The following ACVR1C variants were observed in gnomAD, a reference collection of about 807,000 sequenced individuals.
ACVR1C encodes activin receptor type-1C.
Under a neutral mutation model 57.9 loss-of-function variants are expected in ACVR1C, and 23 were observed. That is an observed-to-expected ratio of 0.40 (90% CI 0.29 to 0.56). The LOEUF is 0.56. ACVR1C is among the 20% of genes least tolerant of loss of function. The probability of loss-of-function intolerance (pLI) is 0.50; values close to 1 mark genes in which losing one functional copy is unlikely to be tolerated. For synonymous variants in ACVR1C, 214 were observed against 215.3 expected (o/e 0.99, Z 0.05); for missense variants, 480 against 607.9 (o/e 0.79, Z 2.21).
intron 1 of ACVR1C, among the ~76,000 whole-genome samples, chr2:157,603,779 T>C (rs1421362661): frequency 1.3e-5 from 2 of 152,104 alleles, no homozygotes; most frequent in Non-Finnish European, 2.9e-5. Flanking sequence ...AGAATGAAGA[T>C]TACACAGACA....
chr2:157,604,147 G>C (rs925621990), intron 1 of ACVR1C, among the ~76,000 whole-genome samples: 1 of 152,010 alleles, frequency 6.6e-6, no homozygotes, highest in South Asian at 2.1e-4. Flanking sequence ...TTGGGGAGGA[G>C]AGCCAGGTTT....
At chr2:157,624,214 C>G (rs1198736326) in intron 1 of ACVR1C, among the ~76,000 whole-genome samples, 3 of 152,136 alleles carry the variant, frequency 2.0e-5, no homozygotes, top group Admixed American at 1.3e-4. Context: ...CAAGCCCCTT[C>G]CCCAAAATCT....
rs953958910 is a variant in ACVR1C at position 157,533,479 on chromosome 2, T to C, written c.*439A>G. On this transcript the variant is annotated 3_prime_UTR_variant, in exon 9 of 9. Coordinates refer to ENST00000243349, the MANE Select transcript of ACVR1C (RefSeq NM_145259.3). ...CTGCTAACTTAAAAAGGGGGAAACATAGATTGCATCACCTAAAGATAGCAT... is the reference window on the plus strand; with the variant it reads ...CTGCTAACTTAAAAAGGGGGAAACACAGATTGCATCACCTAAAGATAGCAT... The C allele has an allele frequency of 2.0e-5, 3 of 152,664 alleles. No homozygotes were observed. Among genetic ancestry groups the C allele is most frequent in the Non-Finnish European group, 4.4e-5 (3 of 68,062 alleles). The allele number at this position is 152,664 out of a possible 1,614,324, so 9.5% of individuals were successfully genotyped here.
chr2:157,592,331 C>T (rs1406032657), intron 1 of ACVR1C, among the ~76,000 whole-genome samples: 1 of 152,038 alleles, frequency 6.6e-6, no homozygotes, highest in Non-Finnish European at 1.5e-5. Context: ...TATGCGGATA[C>T]TCACTGAATG....
chr2:157,541,564 C>T (rs181654347), intron 6 of ACVR1C, among the ~76,000 whole-genome samples: 17 of 152,296 alleles, frequency 1.1e-4, no homozygotes, highest in Middle Eastern at 6.8e-3. Flanking sequence ...ATGCAACACC[C>T]TCCCAAGTTC....
chr2:157,529,447 G>A lies in ACVR1C; in HGVS notation c.*4471C>T, dbSNP rs906294065. The stretch of plus-strand genomic sequence containing the variant: ...CATCATTGAATGGCACATTACGTTA[G>A]TGTGCATTCAAGGTAGGTTTAGATG... On this transcript the variant is annotated 3_prime_UTR_variant, in exon 9 of 9. Transcript: ENST00000243349. The A allele has an allele frequency of 6.6e-6, 1 of 152,062 alleles. No individual in the cohort carries two copies. The highest frequency in any genetic ancestry group is 1.5e-5 in the Non-Finnish European group (1 of 67,982). The allele number at this position is 152,062 out of a possible 1,614,324, so 9.4% of individuals were successfully genotyped here.
At chr2:157,607,287 T>C (rs2105145063) in intron 1 of ACVR1C, among the ~76,000 whole-genome samples, 1 of 151,740 alleles carries the variant, frequency 6.6e-6, no homozygotes, top group South Asian at 2.1e-4. Context: ...ATTGTTTTGG[T>C]TATCTGGGCT....
Position 157,538,701 on chromosome 2 carries a change from T to C in ACVR1C, c.1228A>G (p.Ile410Val), listed in dbSNP as rs552726352. Residue 410 changes from isoleucine to valine, a missense_variant and splice_region_variant, in exon 8 of 9, where the codon ATT (isoleucine) becomes GTT (valine). Transcript: ENST00000243349. ...EIARRCSVGG[I>V]VEEYQLPYYD... ...TAAGGCAATTGGTACTCCTCAACAA[T>C]TCCTGTAAGAAATTTGTATAATAAA... 4 of 1,473,256 alleles carry C rather than the reference T, an allele frequency of 2.7e-6. No homozygotes were observed. The Admixed American group carries it at 7.5e-5, about 28-fold the overall frequency. The allele number at this position is 1,473,256 out of a possible 1,614,324, so 91.3% of individuals were successfully genotyped here.
intron 3 of ACVR1C, among the ~76,000 whole-genome samples, chr2:157,554,219 G>GAAAGAAAGAAAGAA (rs1558974876): frequency 2.4e-5 from 2 of 82,160 alleles, no homozygotes; most frequent in African/African-American, 1.2e-4. Context: ...AAGAAAGAAA[G>GAAAGAAAGAAAGAA]AAAGAAAGAA....
intron 2 of ACVR1C, among the ~76,000 whole-genome samples, chr2:157,581,463 G>T (rs376159492): frequency 4.6e-5 from 7 of 152,252 alleles, no homozygotes; most frequent in South Asian, 4.1e-4. Flanking sequence ...AGAAACCACT[G>T]TAAGGATACA....
chr2:157,617,084 C>T (rs1214559755), intron 1 of ACVR1C, among the ~76,000 whole-genome samples: 3 of 150,650 alleles, frequency 2.0e-5, no homozygotes, highest in Admixed American at 6.6e-5. Context: ...TATAAAGACA[C>T]GATAGAAAGG....
chr2:157,624,672 T>C (rs1559000866), intron 1 of ACVR1C, among the ~76,000 whole-genome samples: 3 of 152,012 alleles, frequency 2.0e-5, no homozygotes, highest in African/African-American at 7.3e-5. Context: ...GAGTTGGGAG[T>C]GACACATTGG....
At chr2:157,543,428 A>C (rs1285934656) in intron 5 of ACVR1C, among the ~76,000 whole-genome samples, 2 of 152,266 alleles carry the variant, frequency 1.3e-5, no homozygotes, top group African/African-American at 4.8e-5. Flanking sequence ...ATGTAAAACA[A>C]AACCATTATT....
Position 157,531,512 on chromosome 2 carries a change from T to C in ACVR1C, c.*2406A>G, listed in dbSNP as rs1687349982. ...ATAATGACAAGAAAAATGGAGATGGTAAAAAATCCTCTCTTAAAAATTCAA... is the reference window on the plus strand; with the variant it reads ...ATAATGACAAGAAAAATGGAGATGGCAAAAAATCCTCTCTTAAAAATTCAA... On this transcript the variant is annotated 3_prime_UTR_variant, in exon 9 of 9. Coordinates refer to ENST00000243349, the MANE Select transcript of ACVR1C (RefSeq NM_145259.3). The C allele has an allele frequency of 6.6e-6, 1 of 151,930 alleles. No individual in the cohort carries two copies. The highest frequency in any genetic ancestry group is 1.5e-5 in the Non-Finnish European group (1 of 67,906). The allele number at this position is 151,930 out of a possible 1,614,324, so 9.4% of individuals were successfully genotyped here. A position where few individuals can be genotyped will look rare whatever the true frequency, so the allele number is the denominator to read the frequency against.
intron 2 of ACVR1C, among the ~76,000 whole-genome samples, chr2:157,572,953 T>C (rs1037712196): frequency 2.0e-5 from 3 of 152,130 alleles, no homozygotes; most frequent in Non-Finnish European, 4.4e-5. Flanking sequence ...AGCATGCACA[T>C]GTCACCTTTT....
At chr2:157,559,643 G>C (rs1688190485) in intron 2 of ACVR1C, among the ~76,000 whole-genome samples, 1 of 152,070 alleles carries the variant, frequency 6.6e-6, no homozygotes. Flanking sequence ...CTCCATGGGG[G>C]GACACGTTAA....
chr2:157,611,717 G>A (rs561308195), intron 1 of ACVR1C, among the ~76,000 whole-genome samples: 70 of 152,166 alleles, frequency 4.6e-4, no homozygotes, highest in Non-Finnish European at 7.6e-4. Flanking sequence ...CAGTGGTGTT[G>A]ACAGCAAGCT....
chr2:157,554,274 AGGAAGGAAGAGAGAGAGAGAG>A (rs1688022738), intron 3 of ACVR1C, among the ~76,000 whole-genome samples: 1 of 139,186 alleles, frequency 7.2e-6, no homozygotes, highest in African/African-American at 3.1e-5. Flanking sequence ...AAAGAAAGGA[AGGAAGGAAGAGAGAGAGAGAG>A]AGAAAGAAAG....
chr2:157,597,654 C>T (rs952061197), intron 1 of ACVR1C: 1 of 722,096 alleles, frequency 1.4e-6, no homozygotes, highest in Admixed American at 6.3e-5. Context: ...ACAGAATGAC[C>T]TCCACTCCGG....
Sources: gnomAD v4.1 joint callset for allele counts (sites outside exome capture counted in the v4.1 genomes callset) on GRCh38, gnomAD v4.1.1 for gene constraint, MANE v1.5 for transcripts, NCBI Gene and HGNC (gene_info 2026-07-23, HGNC 2026-07-21) for gene names.